The following EBF4 variants were observed in gnomAD, a reference collection of about 807,000 sequenced individuals.
EBF4 encodes EBF transcription factor 4, also known as transcription factor COE4.
In EBF4, 34 loss-of-function variants were observed where a neutral mutation model predicts 67.1. The observed-to-expected ratio is 0.51, with a 90% CI of 0.39 to 0.67. EBF4 has a LOEUF of 0.67. Ranked by LOEUF, EBF4 falls within the 30% of genes least tolerant of loss-of-function variation. The pLI is 0.00. For missense variants in EBF4, 837 were observed against 873.3 expected (o/e 0.96, Z 0.52); for synonymous variants, 387 against 377.7 (o/e 1.02, Z -0.29).
Position 2,755,622 on chromosome 20 carries a change from C to CCCCG in EBF4, c.1541-5_1541-4insCCCG. Reference sequence around the variant, plus strand: ...GCGCCTGCCCCTCCCCGCCCCGCCCCGGAGTCATGCCCTCTAGCCCCCCGC... The same window carrying CCCCG: ...GCGCCTGCCCCTCCCCGCCCCGCCCCCCCGGGAGTCATGCCCTCTAGCCCCCCGC... On this transcript the variant is annotated splice_polypyrimidine_tract_variant and splice_region_variant and intron_variant, in intron 14 of 16. Coordinates refer to ENST00000609451, the Ensembl canonical transcript of EBF4. The surrounding 1 kb of genome is among the most constrained non-coding windows in gnomAD (Gnocchi z 4.7). The CCCCG allele has an allele frequency of 2.1e-6, 3 of 1,439,234 alleles. No individual in the cohort carries two copies. The highest frequency in any genetic ancestry group is 2.9e-6 in the Non-Finnish European group (3 of 1,050,294). The allele number at this position is 1,439,234 out of a possible 1,614,324, so 89.2% of individuals were successfully genotyped here.
chr20:2,714,620 G>A (rs1003563684), intron 6 of EBF4, among the ~76,000 whole-genome samples: 1 of 152,206 alleles, frequency 6.6e-6, no homozygotes, highest in Non-Finnish European at 1.5e-5. Context: ...CCAAAGTGCT[G>A]GGATTACAGG....
chr20:2,748,239 C>G (rs1425133724), intron 6 of EBF4, among the ~76,000 whole-genome samples: 16 of 152,082 alleles, frequency 1.1e-4, no homozygotes, highest in Admixed American at 9.2e-4. Flanking sequence ...ATATAATGGA[C>G]TTACTCTTCA....
chr20:2,735,559 G>T (rs1794476560), intron 6 of EBF4, among the ~76,000 whole-genome samples: 1 of 152,172 alleles, frequency 6.6e-6, no homozygotes, highest in African/African-American at 2.4e-5. Context: ...ATTTTCAGAG[G>T]TCTTTACTTA....
chr20:2,748,559 A>C (rs1234977280), exon 7 of EBF4: 2 of 1,551,496 alleles, frequency 1.3e-6, no homozygotes, highest in Non-Finnish European at 1.7e-6. Flanking sequence ...GTTCTTCCTC[A>C]AGTTCTTCCT....
At chr20:2,758,848 C>T (rs895962176) in intron 15 of EBF4, 61 bp from the exon 16 acceptor site, 12 of 1,437,820 alleles carry the variant, frequency 8.3e-6, no homozygotes, top group East Asian at 2.5e-5. Context: ...CAGAGAGTGA[C>T]AGGCAGGTGG....
At chr20:2,717,440 GT>G (rs1196576522) in intron 6 of EBF4, among the ~76,000 whole-genome samples, 1 of 152,184 alleles carries the variant, frequency 6.6e-6, no homozygotes, top group African/African-American at 2.4e-5. Flanking sequence ...TTTAAATGAG[GT>G]AGTCAATTAA....
rs1168062795 is a variant in EBF4, at chr20:2,707,877, C to A, written c.415-70C>A. On this transcript the variant is annotated intron_variant, in intron 4 of 16. Transcript: ENST00000609451. The surrounding 1 kb of genome is among the most constrained non-coding windows in gnomAD (Gnocchi z 4.6). ...GCCTAGGCTTGGGAGATGCCAGGTC[C>A]GTCTGTGCTGCCACCTGCACCTCAG... 1.4e-6 allele frequency: 2 copies of A among 1,434,586 alleles called. No homozygotes were observed. The allele number at this position is 1,434,586 out of a possible 1,614,324, so 88.9% of individuals were successfully genotyped here. A position where few individuals can be genotyped will look rare whatever the true frequency, so the allele number is the denominator to read the frequency against.
chr20:2,707,298 A>G lies in EBF4; in HGVS notation c.415-649A>G, dbSNP rs1160473606. 6.6e-6 allele frequency among the ~76,000 whole-genome samples: 1 copy of G among 152,114 alleles called. No homozygotes were observed. Among genetic ancestry groups the G allele is most frequent in the Non-Finnish European group, 1.5e-5 (1 of 68,012 alleles). On this transcript the variant is annotated intron_variant, in intron 4 of 16. Coordinates refer to ENST00000609451, the Ensembl canonical transcript of EBF4. This position sits in a 1 kb window ranked among gnomAD's most constrained non-coding sequence, Gnocchi z 4.6. ...ATCCCACAAATGGGGGAAGGCACAG[A>G]GGGTTATAAACTAGGAAGGCAGATT...
rs748233860 is a variant in EBF4 at position 2,747,085 on chromosome 20, G to T, written c.558-1464G>T. Among the ~76,000 whole-genome samples, 1 of 152,164 alleles carries T rather than the reference G, an allele frequency of 6.6e-6. No homozygotes were observed. Among genetic ancestry groups the T allele is most frequent in the African/African-American group, 2.4e-5 (1 of 41,444 alleles). On this transcript the variant is annotated intron_variant, in intron 6 of 16. Coordinates refer to ENST00000609451, the Ensembl canonical transcript of EBF4. The surrounding 1 kb of genome is among the most constrained non-coding windows in gnomAD (Gnocchi z 4.6). ...AGGTGGGTGAATCACCTGAGGTCAG[G>T]AATCGAGACCAGCCTGGCCAACATG...
intron 6 of EBF4, among the ~76,000 whole-genome samples, chr20:2,729,174 C>T (rs1372494044): frequency 6.6e-6 from 1 of 150,750 alleles, no homozygotes; most frequent in Admixed American, 6.6e-5. Context: ...TTCAATGGGT[C>T]CATGGCACCA....
chr20:2,737,817 G>GAAA, intron 6 of EBF4, among the ~76,000 whole-genome samples: 1 of 143,798 alleles, frequency 7.0e-6, no homozygotes. Flanking sequence ...CTAAAAATGT[G>GAAA]AAAAAAAAAA....
At chr20:2,710,306 A>G (rs1422333677) in intron 6 of EBF4, among the ~76,000 whole-genome samples, 1 of 151,906 alleles carries the variant, frequency 6.6e-6, no homozygotes, top group Non-Finnish European at 1.5e-5. Context: ...ACGCCTCCAC[A>G]CCTGGCTAAT....
chr20:2,714,539 A>T (rs56763927), intron 6 of EBF4, among the ~76,000 whole-genome samples: 8,800 of 152,154 alleles, frequency 0.058, 773 homozygotes, highest in African/African-American at 0.19. Context: ...TTTTGTAGAG[A>T]TGGGGTTTTG....
At position 2,752,282 on chromosome 20, in the gene EBF4, C is replaced by A; in HGVS notation, c.1351+19C>A. On this transcript the variant is annotated intron_variant, in intron 13 of 16. Transcript: ENST00000609451. ...GAGCCGGGTGCGTGGGCCGCGCCTC[C>A]CCGCCGTCCTCGGGCGCCGCCACCG... 1 of 1,222,476 alleles carries A rather than the reference C, an allele frequency of 8.2e-7. No homozygotes were observed. The highest frequency in any genetic ancestry group is 3.4e-5 in the East Asian group (1 of 29,390). 75.7% of individuals were successfully genotyped at this position (1,222,476 alleles called of 1,614,324 possible). A position where few individuals can be genotyped will look rare whatever the true frequency, so the allele number is the denominator to read the frequency against.
chr20:2,726,088 C>T (rs2087743303), intron 6 of EBF4, among the ~76,000 whole-genome samples: 1 of 152,036 alleles, frequency 6.6e-6, no homozygotes, highest in South Asian at 2.1e-4. Flanking sequence ...TTTCTTATGG[C>T]TTCCAGTTGC....
At chr20:2,697,388 A>G (rs1209673029) in intron 1 of EBF4, among the ~76,000 whole-genome samples, 5 of 151,938 alleles carry the variant, frequency 3.3e-5, no homozygotes, top group Non-Finnish European at 7.4e-5. Flanking sequence ...TACTAAAAAT[A>G]CAAAAAATTA....
intron 6 of EBF4, among the ~76,000 whole-genome samples, chr20:2,723,640 C>T (rs1183557782): frequency 2.6e-5 from 4 of 152,298 alleles, no homozygotes; most frequent in Admixed American, 2.6e-4. Context: ...TGAGCCACCG[C>T]GCCCGGCCAG....
At chr20:2,749,693 C>A in exon 9 of EBF4, 1 of 1,563,952 alleles carries the variant, frequency 6.4e-7, no homozygotes, top group Non-Finnish European at 8.7e-7. Context: ...TCATTGTCAT[C>A]GGCGACAACT....
At position 2,751,546 on chromosome 20, in the gene EBF4, TG is replaced by T; in HGVS notation, c.1019-152del. ...CCTGAATCTCGCTGCCGGGGGTGCC[TG>T]GAGTTTTCCGGGGGACTTGGGCTGG... On this transcript the variant is annotated intron_variant, in intron 10 of 16. Coordinates refer to ENST00000609451, the Ensembl canonical transcript of EBF4. This position sits in a 1 kb window ranked among gnomAD's most constrained non-coding sequence, Gnocchi z 5.2. 1.4e-6 allele frequency: 1 copy of T among 695,222 alleles called. No individual in the cohort carries two copies. Among genetic ancestry groups the T allele is most frequent in the Non-Finnish European group, 2.4e-6 (1 of 413,184 alleles). 43.1% of individuals were successfully genotyped at this position (695,222 alleles called of 1,614,324 possible). A position where few individuals can be genotyped will look rare whatever the true frequency, so the allele number is the denominator to read the frequency against.
Sources: gnomAD v4.1 joint callset for allele counts (sites outside exome capture counted in the v4.1 genomes callset) on GRCh38, gnomAD v4.1.1 for gene constraint, Gnocchi (gnomAD v3.1) non-coding constraint, MANE v1.5 for transcripts, NCBI Gene and HGNC (gene_info 2026-07-23, HGNC 2026-07-21) for gene names.